Variants in CNMD observed in about 807,000 individuals in gnomAD.
CNMD encodes the protein leukocyte cell-derived chemotaxin 1.
Under a neutral mutation model 37.5 loss-of-function variants are expected in CNMD, and 30 were observed. The observed-to-expected ratio is 0.80, with a 90% CI of 0.60 to 1.09. The LOEUF is 1.09. CNMD is among the 50% of genes least tolerant of loss of function. The pLI is 0.00. For missense variants in CNMD, 398 were observed against 423.9 expected (o/e 0.94, Z 0.54); for synonymous variants, 167 against 148.2 (o/e 1.13, Z -0.92).
chr13:52,718,448 G>C (rs574506426), intron 4 of CNMD, among the ~76,000 whole-genome samples: 2,591 of 152,174 alleles, frequency 0.017, 27 homozygotes, highest in Non-Finnish European at 0.028. Context: ...GTCAGTTTTA[G>C]ATCTTTCTTG....
chr13:52,712,446 G>A (rs1374575401), intron 5 of CNMD, among the ~76,000 whole-genome samples: 1 of 152,220 alleles, frequency 6.6e-6, no homozygotes, highest in Non-Finnish European at 1.5e-5. Context: ...AGAAGTGGGA[G>A]TGTCATAAAC....
intron 3 of CNMD, among the ~76,000 whole-genome samples, chr13:52,728,240 G>A (rs1401947410): frequency 6.6e-6 from 1 of 152,042 alleles, no homozygotes; most frequent in African/African-American, 2.4e-5. Context: ...ACAAAAATTA[G>A]TTGGGCGTGG....
rs142326440 is a variant in CNMD, at chr13:52,728,770, C to T, written c.354+4449G>A. 2.8e-3 allele frequency among the ~76,000 whole-genome samples: 420 copies of T among 152,268 alleles called. 2 individuals carry two copies. The highest frequency in any genetic ancestry group is 3.7e-3 in the Non-Finnish European group (250 of 68,032). ...GCTGATTCTACTGAATGATTCGCAGCACTGAATGGGAATCTAGTGTTAAGT... is the reference window on the plus strand; with the variant it reads ...GCTGATTCTACTGAATGATTCGCAGTACTGAATGGGAATCTAGTGTTAAGT... On this transcript the variant is annotated intron_variant, in intron 3 of 6. Coordinates refer to ENST00000377962, the MANE Select transcript of CNMD (RefSeq NM_007015.3).
rs1964843908 is a variant in CNMD, at chr13:52,739,364, G to C, written c.73-193C>G. On this transcript the variant is annotated intron_variant, in intron 1 of 6. Transcript: ENST00000377962. This position sits in a 1 kb window ranked among gnomAD's most constrained non-coding sequence, Gnocchi z 5.4. Reference sequence around the variant, plus strand: ...TCCTTTGCAGTCGGGCGTGGAAGTGGGATGAGCAAACCCCGCAGCACAGGG... The same window carrying C: ...TCCTTTGCAGTCGGGCGTGGAAGTGCGATGAGCAAACCCCGCAGCACAGGG... The C allele has an allele frequency of 1.4e-6, 1 of 722,136 alleles. No individual in the cohort carries two copies. Among genetic ancestry groups the C allele is most frequent in the Non-Finnish European group, 2.2e-6 (1 of 456,704 alleles). 44.7% of individuals were successfully genotyped at this position (722,136 alleles called of 1,614,324 possible).
intron 3 of CNMD, 138 bp downstream of exon 3, chr13:52,733,081 A>T: frequency 1.3e-6 from 1 of 793,904 alleles, no homozygotes; most frequent in Non-Finnish European, 2.2e-6. Flanking sequence ...TGCTACATGT[A>T]GTGGATTAGT....
intron 3 of CNMD, among the ~76,000 whole-genome samples, chr13:52,726,631 T>G (rs1472841135): frequency 1.3e-5 from 2 of 151,414 alleles, no homozygotes; most frequent in Non-Finnish European, 2.9e-5. Context: ...AAAACTGTAA[T>G]AAGCAACTAT....
In CNMD at chr13:52,714,678, A is replaced by G. The variant is rs541022473; in HGVS notation, c.469-1809T>C. Reference sequence around the variant, plus strand: ...TAAAATTATAATCATATGATAAAGCATATGTCCATTATAATCTACATTTTA... The same window carrying G: ...TAAAATTATAATCATATGATAAAGCGTATGTCCATTATAATCTACATTTTA... On this transcript the variant is annotated intron_variant, in intron 4 of 6. Coordinates refer to ENST00000377962, the MANE Select transcript of CNMD (RefSeq NM_007015.3). Among the ~76,000 whole-genome samples the G allele has an allele frequency of 3.9e-4, 60 of 152,328 alleles. No individual in the cohort carries two copies. In the South Asian group the frequency reaches 6.4e-3, roughly 16 times the overall value.
intron 2 of CNMD, 163 bp from the exon 3 acceptor site, chr13:52,733,522 TC>T (rs1566232242): frequency 4.1e-6 from 3 of 732,944 alleles, no homozygotes; most frequent in Non-Finnish European, 7.3e-6. Context: ...CATACAACAA[TC>T]AGTTAATGCA....
At position 52,703,799 on chromosome 13, in the gene CNMD, C is replaced by T; in HGVS notation, c.801G>A (p.Gly267=). 6.8e-6 allele frequency: 11 copies of T among 1,608,436 alleles called. No individual in the cohort carries two copies. The highest frequency in any genetic ancestry group is 2.2e-5 in the East Asian group (1 of 44,702). The part of the protein sequence containing the change: ...NPDNPYHQQE[G]ESMTFDPRLD... ...GTCTAGGGTCGAATGTCATGCTTTCCCCTTCCTGCTGCTGTGAAATAAAAG... is the reference window on the plus strand; with the variant it reads ...GTCTAGGGTCGAATGTCATGCTTTCTCCTTCCTGCTGCTGTGAAATAAAAG... Residue 267 remains glycine, a synonymous_variant, in exon 7 of 7, where the codon GGG becomes GGA. Coordinates refer to ENST00000377962, the MANE Select transcript of CNMD (RefSeq NM_007015.3).
chr13:52,712,850 A>T lies in CNMD; in HGVS notation c.488T>A (p.Val163Asp). 6.3e-7 allele frequency: 1 copy of T among 1,578,062 alleles called. No individual in the cohort carries two copies. The highest frequency in any genetic ancestry group is 8.6e-7 in the Non-Finnish European group (1 of 1,165,406). ...GATAAGAGAATTTTCTTCATATTTGACTGGCATGATCTTGCCTTCCTGAAA... is the reference window on the plus strand; with the variant it reads ...GATAAGAGAATTTTCTTCATATTTGTCTGGCATGATCTTGCCTTCCTGAAA... ...SSKLEGKIMP[V>D]KYEENSLIWV... The change falls in exon 5 of 7, where the codon GTC becomes GAC. Residue 163 changes from valine (V) to aspartate (D), a missense_variant. Transcript: ENST00000377962.
chr13:52,730,606 C>T (rs1964649655), intron 3 of CNMD, among the ~76,000 whole-genome samples: 1 of 152,098 alleles, frequency 6.6e-6, no homozygotes, highest in African/African-American at 2.4e-5. Flanking sequence ...TGTTTTTTGG[C>T]TGCATAAATG....
chr13:52,723,517 T>C (rs1229401582), intron 4 of CNMD, among the ~76,000 whole-genome samples: 1 of 152,224 alleles, frequency 6.6e-6, no homozygotes. Flanking sequence ...ATATACTATA[T>C]CATGTGAGAA....
Position 52,739,767 on chromosome 13 carries a change from C to T in CNMD, c.-66G>A. 7.0e-7 allele frequency: 1 copy of T among 1,428,542 alleles called. No homozygotes were observed. The highest frequency in any genetic ancestry group is 9.8e-7 in the Non-Finnish European group (1 of 1,015,510). 88.5% of individuals were successfully genotyped at this position (1,428,542 alleles called of 1,614,324 possible). ...GCACCCTGGGATCTGTCCCGCTGCC[C>T]CGACGTGCAGGGCATTTCAACGCCG... is the stretch of plus-strand genomic sequence containing the variant. On this transcript the variant is annotated 5_prime_UTR_variant, in exon 1 of 7. Transcript: ENST00000377962. The surrounding 1 kb of genome is among the most constrained non-coding windows in gnomAD (Gnocchi z 5.4).
At chr13:52,733,144 G>C in intron 3 of CNMD, 75 bp downstream of exon 3, 1 of 1,472,324 alleles carries the variant, frequency 6.8e-7, no homozygotes, top group Non-Finnish European at 9.5e-7. Flanking sequence ...TGTGAGAAAC[G>C]CTGCTCCTCC....
rs1014664685 is a variant in CNMD, at chr13:52,712,659, C to A, written c.622+57G>T. On this transcript the variant is annotated intron_variant, in intron 5 of 6. Coordinates refer to ENST00000377962, the MANE Select transcript of CNMD (RefSeq NM_007015.3). The stretch of plus-strand genomic sequence containing the variant: ...AGGCCTGTGGAGGGGGTTGGAGGAA[C>A]CTCACATGCATGAACAGGGAAAGTT... The A allele has an allele frequency of 1.1e-5, 14 of 1,225,492 alleles. No individual in the cohort carries two copies. In the South Asian group the frequency reaches 3.2e-4, roughly 28 times the overall value. 75.9% of individuals were successfully genotyped at this position (1,225,492 alleles called of 1,614,324 possible). A position where few individuals can be genotyped will look rare whatever the true frequency, so the allele number is the denominator to read the frequency against.
intron 2 of CNMD, among the ~76,000 whole-genome samples, chr13:52,735,630 C>T (rs1964744567): frequency 6.7e-6 from 1 of 148,732 alleles, no homozygotes; most frequent in Non-Finnish European, 1.5e-5. Context: ...TCTTGGACCA[C>T]ACATAAAATA....
Position 52,739,560 on chromosome 13 carries a change from GA to G in CNMD, c.72+69del. On this transcript the variant is annotated intron_variant, in intron 1 of 6. Coordinates refer to ENST00000377962, the MANE Select transcript of CNMD (RefSeq NM_007015.3). The surrounding 1 kb of genome is among the most constrained non-coding windows in gnomAD (Gnocchi z 5.4). The stretch of plus-strand genomic sequence containing the variant: ...CACCCATTCGGTGGCACGCACCCCT[GA>G]GTCCGAACTGTGGAACCTGATACTC... The G allele has an allele frequency of 7.2e-7, 1 of 1,395,770 alleles. No individual in the cohort carries two copies. Among genetic ancestry groups the G allele is most frequent in the Non-Finnish European group, 1.0e-6 (1 of 983,256 alleles). The allele number at this position is 1,395,770 out of a possible 1,614,324, so 86.5% of individuals were successfully genotyped here.
chr13:52,732,539 G>T (rs1461040103), intron 3 of CNMD, among the ~76,000 whole-genome samples: 1 of 152,120 alleles, frequency 6.6e-6, no homozygotes, highest in Non-Finnish European at 1.5e-5. Context: ...AACATGCTAT[G>T]GTCAGAAAAC....
At chr13:52,723,972 C>G (rs1425437178) in intron 4 of CNMD, 25 bp downstream of exon 4, 1 of 1,409,710 alleles carries the variant, frequency 7.1e-7, no homozygotes, top group Non-Finnish European at 1.0e-6. Flanking sequence ...AGCAGTCTCA[C>G]TGTCTCAGGC....
Sources: allele counts gnomAD v4.1 joint callset (sites outside exome capture counted in the v4.1 genomes callset), GRCh38; gene constraint gnomAD v4.1.1; non-coding constraint Gnocchi (gnomAD v3.1); transcripts MANE v1.5; gene names NCBI Gene and HGNC (gene_info 2026-07-23, HGNC 2026-07-21).